Variants in SNX14 observed in about 807,000 individuals in gnomAD.
SNX14 encodes the protein sorting nexin 14.
Under a neutral mutation model 133.8 loss-of-function variants are expected in SNX14, and 93 were observed. The ratio of observed to expected loss-of-function variants is 0.70; its 90% CI spans 0.59 to 0.83. The LOEUF (loss-of-function observed/expected upper bound fraction) is 0.83. SNX14 is among the 40% of genes least tolerant of loss of function. SNX14 has a pLI of 0.00. For synonymous variants in SNX14, 368 were observed against 365.6 expected, an observed-to-expected ratio of 1.01 and a Z score of -0.07; for missense variants, 945 against 1,094.9, an observed-to-expected ratio of 0.86 and a Z score of 1.93.
chr6:85,569,039 C>G (rs1794786538), intron 4 of SNX14, among the ~76,000 whole-genome samples: 9 of 151,740 alleles, frequency 5.9e-5, no homozygotes, highest in Admixed American at 5.9e-4. Context: ...AATCTTGGCT[C>G]ACCTCAACCT....
chr6:85,553,195 A>G (rs1396253224), intron 7 of SNX14, among the ~76,000 whole-genome samples: 1 of 152,214 alleles, frequency 6.6e-6, no homozygotes, highest in Non-Finnish European at 1.5e-5. Context: ...CTGGGCAAGC[A>G]GACCCGAGTT....
intron 1 of SNX14, among the ~76,000 whole-genome samples, chr6:85,584,709 A>G (rs1298698220): frequency 6.6e-6 from 1 of 152,260 alleles, no homozygotes; most frequent in African/African-American, 2.4e-5. Flanking sequence ...ATACCATTTC[A>G]TGCTAGTTAG....
At chr6:85,541,879 T>C in intron 15 of SNX14, 106 bp downstream of exon 15, 1 of 765,856 alleles carries the variant, frequency 1.3e-6, no homozygotes, top group Non-Finnish European at 2.0e-6. Context: ...TGAACTCATA[T>C]AACAATGGAA....
At chr6:85,507,868 A>T in intron 27 of SNX14, 100 bp downstream of exon 27, 1 of 735,804 alleles carries the variant, frequency 1.4e-6, no homozygotes, top group Non-Finnish European at 2.1e-6. Context: ...GCCTTGGTTT[A>T]GTATAGTGTC....
At chr6:85,519,372 G>A (rs1582552395) in intron 21 of SNX14, among the ~76,000 whole-genome samples, 3 of 152,282 alleles carry the variant, frequency 2.0e-5, no homozygotes, top group South Asian at 2.1e-4. Flanking sequence ...GTGGCTCCAC[G>A]CCTGTAAGTC....
intron 1 of SNX14, among the ~76,000 whole-genome samples, chr6:85,591,321 C>T (rs1343410209): frequency 2.0e-5 from 3 of 151,728 alleles, no homozygotes; most frequent in African/African-American, 7.3e-5. Flanking sequence ...TGGCACCTTC[C>T]AAAAGATTTT....
chr6:85,524,297 C>T (rs1252567898), intron 21 of SNX14, among the ~76,000 whole-genome samples: 2 of 152,066 alleles, frequency 1.3e-5, no homozygotes, highest in African/African-American at 4.8e-5. Flanking sequence ...GAGGACAGAG[C>T]TTAGAAAACA....
intron 7 of SNX14, among the ~76,000 whole-genome samples, chr6:85,552,030 A>AGC: frequency 2.8e-5 from 4 of 141,534 alleles, no homozygotes; most frequent in Non-Finnish European, 4.5e-5. Context: ...TGTGTTGGGA[A>AGC]TCTTTTTTTT....
At chr6:85,561,214 C>G (rs1189343999) in intron 6 of SNX14, 1 of 151,050 alleles carries the variant, frequency 6.6e-6, no homozygotes, top group East Asian at 2.0e-4. Context: ...GTGGCACACG[C>G]CTATAAGCCT....
chr6:85,540,712 G>A (rs9450294), intron 15 of SNX14, among the ~76,000 whole-genome samples: 18,063 of 152,082 alleles, frequency 0.12, 1,651 homozygotes, highest in African/African-American at 0.26. Context: ...ACTTGGTTAC[G>A]TCAAGAAATA....
chr6:85,505,984 C>T lies in SNX14; in HGVS notation c.2824G>A (p.Val942Met). 6.2e-7 allele frequency: 1 copy of T among 1,600,310 alleles called. No individual in the cohort carries two copies. Among genetic ancestry groups the T allele is most frequent in the Non-Finnish European group, 8.6e-7 (1 of 1,167,956 alleles). The change falls in exon 29 of 29, where the codon GTG becomes ATG. Residue 942 changes from valine to methionine, a missense_variant. Transcript: ENST00000314673. ...CCAAGTGTTTACATCCAAGATGTCA[C>T]AGAGGTAACTTCCTTTTGTACCTAA... ...LNKVQKEVTS[V>M]TSWM
chr6:85,518,807 C>A (rs182789513), intron 21 of SNX14, among the ~76,000 whole-genome samples: 58 of 152,308 alleles, frequency 3.8e-4, no homozygotes, highest in African/African-American at 1.3e-3. Flanking sequence ...TCTCATAACA[C>A]CCCCTCCTTA....
chr6:85,582,954 G>A (rs1023821967), intron 1 of SNX14, among the ~76,000 whole-genome samples: 4 of 152,032 alleles, frequency 2.6e-5, no homozygotes, highest in African/African-American at 9.7e-5. Flanking sequence ...CCAAAACCTG[G>A]CAGAGACACA....
chr6:85,549,631 C>T (rs1787040835), intron 8 of SNX14, 92 bp downstream of exon 8: 1 of 1,096,802 alleles, frequency 9.1e-7, no homozygotes. Flanking sequence ...AGGCTAACCT[C>T]AAATTTTAGC....
In SNX14 at chr6:85,533,602, C is replaced by T; in HGVS notation, c.1807G>A (p.Ala603Thr). The T allele has an allele frequency of 6.2e-7, 1 of 1,612,182 alleles. No homozygotes were observed. Among genetic ancestry groups the T allele is most frequent in the Non-Finnish European group, 8.5e-7 (1 of 1,179,754 alleles). Residue 603 changes from alanine (A) to threonine (T), a missense_variant, in exon 18 of 29, where the codon GCA becomes ACA. This residue lies in a region of SNX14 where 412 missense variants were observed against 516.6 expected (regional missense o/e 0.80). Coordinates refer to ENST00000314673, the MANE Select transcript of SNX14 (RefSeq NM_153816.6). ...AGGTGCTCAGAAAGCTTCCTACCTG[C>T]TCTTCTATCATTTCTTTCAACATCA... The part of the protein sequence containing the change: ...CIDVERNDRR[A>T]VGHEPEHWSV...
chr6:85,528,656 T>G lies in SNX14; in HGVS notation c.1895-294A>C, dbSNP rs1779211633. Among the ~76,000 whole-genome samples the G allele has an allele frequency of 2.0e-5, 3 of 152,304 alleles. No homozygotes were observed. In the South Asian group the frequency reaches 6.2e-4, roughly 32 times the overall value. Reference sequence around the variant, plus strand: ...AGCTTCAAAAAATTATTATGAGATTTTTTTGAAATTGGTGAGATTCTACTA... The same window carrying G: ...AGCTTCAAAAAATTATTATGAGATTGTTTTGAAATTGGTGAGATTCTACTA... On this transcript the variant is annotated intron_variant, in intron 19 of 28. Coordinates refer to ENST00000314673, the MANE Select transcript of SNX14 (RefSeq NM_153816.6).
intron 6 of SNX14, among the ~76,000 whole-genome samples, chr6:85,562,820 G>A (rs139962106): frequency 2.0e-5 from 3 of 151,946 alleles, no homozygotes; most frequent in Non-Finnish European, 2.9e-5. Context: ...TCGAACTCCC[G>A]ACCTCCAGTG....
chr6:85,571,514 T>C (rs1288673087), intron 4 of SNX14, among the ~76,000 whole-genome samples: 2 of 152,200 alleles, frequency 1.3e-5, no homozygotes, highest in Admixed American at 6.5e-5. Context: ...CAATACACTT[T>C]GATCAGCTAC....
At chr6:85,512,832 G>A (rs929750150) in intron 26 of SNX14, among the ~76,000 whole-genome samples, 1 of 152,128 alleles carries the variant, frequency 6.6e-6, no homozygotes, top group Non-Finnish European at 1.5e-5. Context: ...GGGGGCAGTG[G>A]CTTGCCGTAT....
Sources: allele counts gnomAD v4.1 joint callset (sites outside exome capture counted in the v4.1 genomes callset), GRCh38; gene constraint gnomAD v4.1.1; regional missense constraint gnomAD v4.1.1; transcripts MANE v1.5; gene names NCBI Gene and HGNC (gene_info 2026-07-23, HGNC 2026-07-21).